DCDC1: variants seen among roughly 807,000 people sequenced by gnomAD.
The protein encoded by DCDC1 is doublecortin domain-containing protein 1.
Under a neutral mutation model 178.3 loss-of-function variants are expected in DCDC1, and 200 were observed. That is an observed-to-expected ratio of 1.12 (90% CI 1.00 to 1.26). The LOEUF is 1.26. Ranked by LOEUF, DCDC1 falls within the 50% of genes most tolerant of loss-of-function variation. The pLI is 0.00. For missense variants in DCDC1, 1,983 were observed against 1,749.2 expected, an observed-to-expected ratio of 1.13 and a Z score of -2.38; for synonymous variants, 690 against 604.8, an observed-to-expected ratio of 1.14 and a Z score of -2.07.
At chr11:31,221,786 G>C (rs1178373462) in intron 9 of DCDC1, among the ~76,000 whole-genome samples, 1 of 152,036 alleles carries the variant, frequency 6.6e-6, no homozygotes, top group Non-Finnish European at 1.5e-5. Flanking sequence ...CTCATTTTTT[G>C]CAATATGGAT....
At chr11:30,992,092 T>C (rs1175397035) in intron 20 of DCDC1, among the ~76,000 whole-genome samples, 1 of 152,222 alleles carries the variant, frequency 6.6e-6, no homozygotes, top group African/African-American at 2.4e-5. Flanking sequence ...TAAAATGCAC[T>C]GTCTTAAGGT....
At chr11:31,043,699 A>G (rs1954628189) in intron 20 of DCDC1, among the ~76,000 whole-genome samples, 1 of 151,782 alleles carries the variant, frequency 6.6e-6, no homozygotes, top group Non-Finnish European at 1.5e-5. Context: ...CCCTTCTGTC[A>G]CCTCCCAAAC....
At position 31,252,676 on chromosome 11, in the gene DCDC1, T is replaced by C. The variant is rs1266220664; in HGVS notation, c.1055-11060A>G. ...GGATGATGAGAAGCCAGATAAATAG[T>C]TGAAGAGGCTAGGGATATTTAACCT... On this transcript the variant is annotated intron_variant, in intron 8 of 38. Transcript: ENST00000684477. 3.3e-5 allele frequency among the ~76,000 whole-genome samples: 5 copies of C among 152,080 alleles called. No individual in the cohort carries two copies. In the East Asian group the frequency reaches 5.8e-4, roughly 18 times the overall value.
At chr11:31,166,677 A>C (rs921182035) in intron 9 of DCDC1, among the ~76,000 whole-genome samples, 1 of 152,150 alleles carries the variant, frequency 6.6e-6, no homozygotes, top group African/African-American at 2.4e-5. Context: ...AGAAAGAGAA[A>C]GATAAAAAGC....
rs146388675 is a variant in DCDC1 at position 30,954,162 on chromosome 11, C to T, written c.2592-1594G>A. On this transcript the variant is annotated intron_variant, in intron 20 of 38. Transcript: ENST00000684477. ...TCCGGAGTAGCTGTGACTACAGGCG[C>T]CTGCCACCACGCCCGGCTATTTTTT... 2.6e-3 allele frequency among the ~76,000 whole-genome samples: 391 copies of T among 151,820 alleles called. 1 individual carries two copies. Among genetic ancestry groups the T allele is most frequent in the African/African-American group, 8.6e-3 (356 of 41,360 alleles).
intron 6 of DCDC1, among the ~76,000 whole-genome samples, chr11:31,294,711 G>A (rs1170237169): frequency 1.3e-5 from 1 of 78,276 alleles, no homozygotes; most frequent in African/African-American, 4.2e-5. Context: ...AAAGAGAGAG[G>A]GAGGAAGGAA....
intron 14 of DCDC1, among the ~76,000 whole-genome samples, chr11:31,103,113 G>A (rs1378839338): frequency 6.6e-6 from 1 of 152,172 alleles, no homozygotes; most frequent in Non-Finnish European, 1.5e-5. Context: ...GTAAAAGCCA[G>A]TTTGTATTAT....
At chr11:31,174,489 G>T (rs1413495244) in intron 9 of DCDC1, among the ~76,000 whole-genome samples, 1 of 152,176 alleles carries the variant, frequency 6.6e-6, no homozygotes, top group Non-Finnish European at 1.5e-5. Context: ...AACAGTATGG[G>T]AACCATGAAC....
At chr11:31,355,519 G>GA in intron 1 of DCDC1, among the ~76,000 whole-genome samples, 1 of 151,622 alleles carries the variant, frequency 6.6e-6, no homozygotes, top group South Asian at 2.1e-4. Flanking sequence ...AGATATCTTA[G>GA]AAAAAAAATG....
intron 32 of DCDC1, among the ~76,000 whole-genome samples, chr11:30,903,201 T>C (rs1330049521): frequency 1.3e-5 from 2 of 152,162 alleles, no homozygotes; most frequent in Non-Finnish European, 1.5e-5. Flanking sequence ...AATGATTATG[T>C]TCCATAAAGT....
At chr11:31,363,244 T>C (rs1250661148) in intron 1 of DCDC1, among the ~76,000 whole-genome samples, 2 of 152,116 alleles carry the variant, frequency 1.3e-5, no homozygotes, top group Non-Finnish European at 2.9e-5. Context: ...AAATAAATCA[T>C]TTCTTTAAGT....
At position 31,153,999 on chromosome 11, in the gene DCDC1, T is replaced by A. The variant is rs1965466156; in HGVS notation, c.1222-16215A>T. On this transcript the variant is annotated intron_variant, in intron 9 of 38. Transcript: ENST00000684477. ...AATCACCAGTGTTGGGGGAGGGACC[T>A]GGTGGGAGGCGATTAGATCATGGGG... 2.0e-5 allele frequency among the ~76,000 whole-genome samples: 3 copies of A among 152,236 alleles called. No homozygotes were observed. The South Asian group carries it at 6.2e-4, about 32-fold the overall frequency.
chr11:30,877,778 C>CA (rs1398920121), intron 38 of DCDC1, among the ~76,000 whole-genome samples: 1 of 152,068 alleles, frequency 6.6e-6, no homozygotes, highest in East Asian at 1.9e-4. Flanking sequence ...CATTTGTATT[C>CA]AGTATATTAA....
intron 7 of DCDC1, among the ~76,000 whole-genome samples, chr11:31,285,011 C>G (rs1192915376): frequency 6.6e-6 from 1 of 152,038 alleles, no homozygotes; most frequent in Non-Finnish European, 1.5e-5. Flanking sequence ...GTAAATGAAT[C>G]TTTAGACTGA....
At chr11:30,909,664 C>T (rs955600710) in intron 28 of DCDC1, among the ~76,000 whole-genome samples, 7 of 151,954 alleles carry the variant, frequency 4.6e-5, no homozygotes, top group Admixed American at 2.6e-4. Context: ...ACCCATTTTC[C>T]TTACATTCTT....
intron 7 of DCDC1, among the ~76,000 whole-genome samples, chr11:31,279,135 T>C (rs997861786): frequency 2.6e-5 from 4 of 152,166 alleles, no homozygotes; most frequent in Admixed American, 6.6e-5. Context: ...TCAGCAATTA[T>C]TTGTTGTTTT....
At chr11:31,159,861 T>C (rs1485524794) in intron 9 of DCDC1, among the ~76,000 whole-genome samples, 1 of 152,192 alleles carries the variant, frequency 6.6e-6, no homozygotes, top group Non-Finnish European at 1.5e-5. Flanking sequence ...TTTTGTACCA[T>C]TTGAAGTGAC....
intron 9 of DCDC1, among the ~76,000 whole-genome samples, chr11:31,212,902 A>T (rs1972761541): frequency 6.6e-6 from 1 of 152,150 alleles, no homozygotes. Flanking sequence ...AATGTCCATT[A>T]GTAGCTATAT....
intron 20 of DCDC1, among the ~76,000 whole-genome samples, chr11:31,056,904 A>T: frequency 6.6e-6 from 1 of 152,156 alleles, no homozygotes; most frequent in East Asian, 1.9e-4. Flanking sequence ...TTTATTAAAA[A>T]TGTGTATATG....
Sources: gnomAD v4.1 joint callset for allele counts (sites outside exome capture counted in the v4.1 genomes callset) on GRCh38, gnomAD v4.1.1 for gene constraint, MANE v1.5 for transcripts, NCBI Gene and HGNC (gene_info 2026-07-23, HGNC 2026-07-21) for gene names.